The following PGBD4 variants were observed in gnomAD, a reference collection of about 807,000 sequenced individuals.
The protein encoded by PGBD4 is piggyBac transposable element derived 4.
In PGBD4, 1 loss-of-function variant was observed where a neutral mutation model predicts 0.3. The ratio of observed to expected loss-of-function variants is 3.72; its 90% CI spans 1.32 to 17.64. The LOEUF (loss-of-function observed/expected upper bound fraction) is 17.64. Ranked by LOEUF, PGBD4 falls within the 30% of genes most tolerant of loss-of-function variation. The probability of loss-of-function intolerance (pLI) is 0.11; values close to 1 mark genes in which losing one functional copy is unlikely to be tolerated. For synonymous variants in PGBD4, 253 were observed against 267.7 expected, an observed-to-expected ratio of 0.95 and a Z score of 0.54; for missense variants, 624 against 719.7, an observed-to-expected ratio of 0.87 and a Z score of 1.52.
Position 34,103,599 on chromosome 15 carries a change from G to C in PGBD4, c.1068G>C (p.Leu356Phe), listed in dbSNP as rs1345270158. ...CTGATGCAGTTGGGACAGCTCGTTT[G>C]AACAGAAAACAGATTCCAAATGATC... ...NRTDAVGTAR[L>F]NRKQIPNDLK... The change falls in exon 1 of 1, where the codon TTG becomes TTC. Residue 356 changes from leucine (L) to phenylalanine (F), a missense_variant. Coordinates refer to ENST00000397766, the MANE Select transcript of PGBD4 (RefSeq NM_152595.5). This position sits in a 1 kb window ranked among gnomAD's most constrained non-coding sequence, Gnocchi z 4.6. The C allele has an allele frequency of 1.2e-6, 2 of 1,614,110 alleles. No individual in the cohort carries two copies. The highest frequency in any genetic ancestry group is 1.7e-6 in the Non-Finnish European group (2 of 1,180,024).
Position 34,106,612 on chromosome 15 carries a change from C to CAATATTCAAAAGGCACATGGTAT in PGBD4, c.*2345_*2346insTAATATTCAAAAGGCACATGGTA. 6.6e-6 allele frequency: 1 copy of CAATATTCAAAAGGCACATGGTAT among 152,088 alleles called. No individual in the cohort carries two copies. Among genetic ancestry groups the CAATATTCAAAAGGCACATGGTAT allele is most frequent in the African/African-American group, 2.4e-5 (1 of 41,336 alleles). The allele number at this position is 152,088 out of a possible 1,614,324, so 9.4% of individuals were successfully genotyped here. On this transcript the variant is annotated 3_prime_UTR_variant, in exon 1 of 1. Coordinates refer to ENST00000397766, the MANE Select transcript of PGBD4 (RefSeq NM_152595.5). ...TACAATATTCAAAAGGCACATGGTA[C>CAATATTCAAAAGGCACATGGTAT]AATATTCAAAAGGCACATGGTACAA...
rs1901217902 is a variant in PGBD4, at chr15:34,103,455, G to A, written c.924G>A (p.Leu308=). ...ATTTGAAAGATTCAGCGGATGGCCT[G>A]AAATCATCACGCATTGTTCTTACCT... ...GMNLKDSADG[L]KSSRIVLTLV... The change falls in exon 1 of 1, where the codon CTG becomes CTA. Residue 308 remains leucine, a synonymous_variant. Coordinates refer to ENST00000397766, the MANE Select transcript of PGBD4 (RefSeq NM_152595.5). This position sits in a 1 kb window ranked among gnomAD's most constrained non-coding sequence, Gnocchi z 4.6. 2 of 1,614,114 alleles carry A rather than the reference G, an allele frequency of 1.2e-6. No homozygotes were observed. Among genetic ancestry groups the A allele is most frequent in the African/African-American group, 1.3e-5 (1 of 74,928 alleles).
Position 34,104,334 on chromosome 15 carries a change from G to C in PGBD4, c.*45G>C. The C allele has an allele frequency of 6.4e-7, 1 of 1,556,880 alleles. No homozygotes were observed. Among genetic ancestry groups the C allele is most frequent in the Non-Finnish European group, 8.7e-7 (1 of 1,151,436 alleles). On this transcript the variant is annotated 3_prime_UTR_variant, in exon 1 of 1. Coordinates refer to ENST00000397766, the MANE Select transcript of PGBD4 (RefSeq NM_152595.5). ...TCTGTTCCATTAGGATTAGAGACAAGTTCTGTTTAGAAATAACTCCAAGAT... is the reference window on the plus strand; with the variant it reads ...TCTGTTCCATTAGGATTAGAGACAACTTCTGTTTAGAAATAACTCCAAGAT...
At position 34,102,261 on chromosome 15, in the gene PGBD4, T is replaced by C. The variant is rs1901191929; in HGVS notation, c.-271T>C. 2 of 498,900 alleles carry C rather than the reference T, an allele frequency of 4.0e-6. No homozygotes were observed. Among genetic ancestry groups the C allele is most frequent in the Non-Finnish European group, 6.9e-6 (2 of 287,958 alleles). The allele number at this position is 498,900 out of a possible 1,614,324, so 30.9% of individuals were successfully genotyped here. A position where few individuals can be genotyped will look rare whatever the true frequency, so the allele number is the denominator to read the frequency against. On this transcript the variant is annotated 5_prime_UTR_variant, in exon 1 of 1. Coordinates refer to ENST00000397766, the MANE Select transcript of PGBD4 (RefSeq NM_152595.5). This position sits in a 1 kb window ranked among gnomAD's most constrained non-coding sequence, Gnocchi z 4.7. ...CCCCAAGACGTATGAGATGAAAGGC[T>C]TCTTCTGTCTGTGTGCGTTTAACTC...
In PGBD4 at chr15:34,106,722, G is replaced by T. The variant is rs1183938604; in HGVS notation, c.*2433G>T. The T allele has an allele frequency of 6.6e-6, 1 of 151,674 alleles. No individual in the cohort carries two copies. The highest frequency in any genetic ancestry group is 1.5e-5 in the Non-Finnish European group (1 of 67,912). The allele number at this position is 151,674 out of a possible 1,614,324, so 9.4% of individuals were successfully genotyped here. A position where few individuals can be genotyped will look rare whatever the true frequency, so the allele number is the denominator to read the frequency against. On this transcript the variant is annotated 3_prime_UTR_variant, in exon 1 of 1. Transcript: ENST00000397766. The stretch of plus-strand genomic sequence containing the variant: ...CAATTCTCAAGAGGCAATCACTGTT[G>T]CCATTTTCCTGAGTATTCTTCCACA...
chr15:34,103,303 G>A lies in PGBD4; in HGVS notation c.772G>A (p.Gly258Arg). 6.2e-7 allele frequency: 1 copy of A among 1,614,130 alleles called. No individual in the cohort carries two copies. The highest frequency in any genetic ancestry group is 8.5e-7 in the Non-Finnish European group (1 of 1,180,042). The change falls in exon 1 of 1, where the codon GGG (glycine) becomes AGG (arginine). Residue 258 changes from glycine (G) to arginine (R), a missense_variant. Transcript: ENST00000397766. The surrounding 1 kb of genome is among the most constrained non-coding windows in gnomAD (Gnocchi z 4.6). Reference sequence around the variant, plus strand: ...TGATGAATCACTGATGCTGTTCAAGGGGCCATTAGCTATGAAGCAGTACCT... The same window carrying A: ...TGATGAATCACTGATGCTGTTCAAGAGGCCATTAGCTATGAAGCAGTACCT... Reference protein sequence around the residue: ...AVDESLMLFKGPLAMKQYLPT... With the variant: ...AVDESLMLFKRPLAMKQYLPT...
Position 34,102,589 on chromosome 15 carries a change from C to G in PGBD4, c.58C>G (p.Gln20Glu), listed in dbSNP as rs1367080198. 1.6e-5 allele frequency: 25 copies of G among 1,606,068 alleles called. No homozygotes were observed. Among genetic ancestry groups the G allele is most frequent in the Non-Finnish European group, 2.1e-5 (25 of 1,175,982 alleles). Residue 20 changes from glutamine to glutamate, a missense_variant, in exon 1 of 1, where the codon CAG (glutamine) becomes GAG (glutamate). By Grantham distance (29) the Gln-to-Glu change is conservative. Coordinates refer to ENST00000397766, the MANE Select transcript of PGBD4 (RefSeq NM_152595.5). The surrounding 1 kb of genome is among the most constrained non-coding windows in gnomAD (Gnocchi z 4.7). Reference sequence around the variant, plus strand: ...GCGTGATAGTAATACCGGTCTCGAACAGTTGTTGGCTGAAGATTCATTTGA... The same window carrying G: ...GCGTGATAGTAATACCGGTCTCGAAGAGTTGTTGGCTGAAGATTCATTTGA... ...PMRDSNTGLE[Q>E]LLAEDSFDES...
At position 34,107,140 on chromosome 15, in the gene PGBD4, T is replaced by C. The variant is rs1887777386; in HGVS notation, c.*2851T>C. The C allele has an allele frequency of 6.6e-6, 1 of 151,636 alleles. No individual in the cohort carries two copies. Among genetic ancestry groups the C allele is most frequent in the Admixed American group, 6.6e-5 (1 of 15,196 alleles). 9.4% of individuals were successfully genotyped at this position (151,636 alleles called of 1,614,324 possible). A position where few individuals can be genotyped will look rare whatever the true frequency, so the allele number is the denominator to read the frequency against. On this transcript the variant is annotated 3_prime_UTR_variant, in exon 1 of 1. Coordinates refer to ENST00000397766, the MANE Select transcript of PGBD4 (RefSeq NM_152595.5). Reference sequence around the variant, plus strand: ...TAAAATACACTAATATATAATAATGTATTACCTAACATATGATTATATATA... The same window carrying C: ...TAAAATACACTAATATATAATAATGCATTACCTAACATATGATTATATATA...
At position 34,102,559 on chromosome 15, in the gene PGBD4, C is replaced by T. The variant is rs776783726; in HGVS notation, c.28C>T (p.Pro10Ser). Residue 10 changes from proline (P) to serine (S), a missense_variant, in exon 1 of 1, where the codon CCT (proline) becomes TCT (serine). Coordinates refer to ENST00000397766, the MANE Select transcript of PGBD4 (RefSeq NM_152595.5). The surrounding 1 kb of genome is among the most constrained non-coding windows in gnomAD (Gnocchi z 4.7). Reference sequence around the variant, plus strand: ...GTCAAATCCTAGAAAACGTAGCATTCCTATGCGTGATAGTAATACCGGTCT... The same window carrying T: ...GTCAAATCCTAGAAAACGTAGCATTTCTATGCGTGATAGTAATACCGGTCT... MSNPRKRSI[P>S]MRDSNTGLEQ... The T allele has an allele frequency of 1.6e-5, 25 of 1,566,230 alleles. No homozygotes were observed. Among genetic ancestry groups the T allele is most frequent in the African/African-American group, 5.4e-5 (4 of 73,824 alleles).
rs1177778611 is a variant in PGBD4 at position 34,108,150 on chromosome 15, A to G, written c.*3861A>G. 1 of 151,844 alleles carries G rather than the reference A, an allele frequency of 6.6e-6. No homozygotes were observed. Among genetic ancestry groups the G allele is most frequent in the African/African-American group, 2.4e-5 (1 of 41,252 alleles). The allele number at this position is 151,844 out of a possible 1,614,324, so 9.4% of individuals were successfully genotyped here. On this transcript the variant is annotated 3_prime_UTR_variant, in exon 1 of 1. Transcript: ENST00000397766. ...GCTAATTTTTGTACTTTTAGTAGAG[A>G]CGGAGTTTCACCATGTTGGCCAGGC...
chr15:34,102,377 C>A lies in PGBD4; in HGVS notation c.-155C>A. On this transcript the variant is annotated 5_prime_UTR_variant, in exon 1 of 1. An upstream open reading frame in the 5' UTR gains an earlier in-frame stop. Coordinates refer to ENST00000397766, the MANE Select transcript of PGBD4 (RefSeq NM_152595.5). This position sits in a 1 kb window ranked among gnomAD's most constrained non-coding sequence, Gnocchi z 4.7. ...CTCGTGGATTACAGTGCCAACCTTA[C>A]TCCCAAAGTTTGCCACGAAATATCT... 8.2e-7 allele frequency: 1 copy of A among 1,216,542 alleles called. No homozygotes were observed. The highest frequency in any genetic ancestry group is 2.6e-5 in the East Asian group (1 of 38,004). The allele number at this position is 1,216,542 out of a possible 1,614,324, so 75.4% of individuals were successfully genotyped here. A position where few individuals can be genotyped will look rare whatever the true frequency, so the allele number is the denominator to read the frequency against.
chr15:34,102,429 G>A lies in PGBD4; in HGVS notation c.-103G>A. 4 of 1,422,774 alleles carry A rather than the reference G, an allele frequency of 2.8e-6. No homozygotes were observed. The highest frequency in any genetic ancestry group is 3.7e-6 in the Non-Finnish European group (4 of 1,089,858). The allele number at this position is 1,422,774 out of a possible 1,614,324, so 88.1% of individuals were successfully genotyped here. On this transcript the variant is annotated 5_prime_UTR_variant, in exon 1 of 1. Coordinates refer to ENST00000397766, the MANE Select transcript of PGBD4 (RefSeq NM_152595.5). The surrounding 1 kb of genome is among the most constrained non-coding windows in gnomAD (Gnocchi z 4.7). ...GCTTCTGTTATTTTCGCATGGTTCT[G>A]GTATATTGACTTTTGAAACAAAAGA...
In PGBD4 at chr15:34,106,949, C is replaced by T. The variant is rs1156464537; in HGVS notation, c.*2660C>T. The T allele has an allele frequency of 3.0e-5, 3 of 100,732 alleles. No homozygotes were observed. The highest frequency in any genetic ancestry group is 2.9e-4 in the Admixed American group (2 of 6,864). The allele number at this position is 100,732 out of a possible 1,614,324, so 6.2% of individuals were successfully genotyped here. A position where few individuals can be genotyped will look rare whatever the true frequency, so the allele number is the denominator to read the frequency against. On this transcript the variant is annotated 3_prime_UTR_variant, in exon 1 of 1. Transcript: ENST00000397766. ...TCCATCCTGGGCAACATAGCCAGAC[C>T]CTGTCTCTAAAAAAAAAAAAAAAAA...
chr15:34,103,365 T>A lies in PGBD4; in HGVS notation c.834T>A (p.Tyr278Ter), dbSNP rs771657889. The change falls in exon 1 of 1, where the codon TAT becomes TAA. Residue 278 changes from tyrosine (Y) to a stop codon, truncating the protein, a stop_gained. Transcript: ENST00000397766. LOFTEE classifies it low-confidence loss of function (END_TRUNC). The surrounding 1 kb of genome is among the most constrained non-coding windows in gnomAD (Gnocchi z 4.6). ...GAGTACGATTTGGTCTGAAGCTATA[T>A]GTACTTTGTGAAAGTCAGTCTGGTT... ...TKRVRFGLKLYVLCESQSGYV... is the reference protein window; with the variant it reads ...TKRVRFGLKL 18 of 1,614,250 alleles carry A rather than the reference T, an allele frequency of 1.1e-5. 1 individual carries two copies. In the South Asian group the frequency reaches 1.8e-4, roughly 16 times the overall value.
rs533552055 is a variant in PGBD4, at chr15:34,102,302, C to T, written c.-230C>T. The T allele has an allele frequency of 1.2e-5, 7 of 587,204 alleles. No homozygotes were observed. The African/African-American group carries it at 1.3e-4, about 11-fold the overall frequency. The allele number at this position is 587,204 out of a possible 1,614,324, so 36.4% of individuals were successfully genotyped here. On this transcript the variant is annotated 5_prime_UTR_variant, in exon 1 of 1. Coordinates refer to ENST00000397766, the MANE Select transcript of PGBD4 (RefSeq NM_152595.5). This position sits in a 1 kb window ranked among gnomAD's most constrained non-coding sequence, Gnocchi z 4.7. ...CGTTTAACTCATTTCTCCTTAGCCC[C>T]GAGATTACGCGCTGCTGTGCCTGCG...
In PGBD4 at chr15:34,102,543, T is replaced by C; in HGVS notation, c.12T>C (p.Pro4=). ...TCTCGATCGCTGAAATGTCAAATCCTAGAAAACGTAGCATTCCTATGCGTG... is the reference window on the plus strand; with the variant it reads ...TCTCGATCGCTGAAATGTCAAATCCCAGAAAACGTAGCATTCCTATGCGTG... MSN[P]RKRSIPMRDS... Residue 4 remains proline (P), a synonymous_variant, in exon 1 of 1, where the codon CCT becomes CCC. Coordinates refer to ENST00000397766, the MANE Select transcript of PGBD4 (RefSeq NM_152595.5). The surrounding 1 kb of genome is among the most constrained non-coding windows in gnomAD (Gnocchi z 4.7). 6.5e-7 allele frequency: 1 copy of C among 1,527,758 alleles called. No homozygotes were observed. The highest frequency in any genetic ancestry group is 8.8e-7 in the Non-Finnish European group (1 of 1,136,520). The allele number at this position is 1,527,758 out of a possible 1,614,324, so 94.6% of individuals were successfully genotyped here. A position where few individuals can be genotyped will look rare whatever the true frequency, so the allele number is the denominator to read the frequency against.
chr15:34,104,352 T>G lies in PGBD4; in HGVS notation c.*63T>G. 6.5e-7 allele frequency: 1 copy of G among 1,531,926 alleles called. No homozygotes were observed. The highest frequency in any genetic ancestry group is 8.8e-7 in the Non-Finnish European group (1 of 1,138,852). The allele number at this position is 1,531,926 out of a possible 1,614,324, so 94.9% of individuals were successfully genotyped here. On this transcript the variant is annotated 3_prime_UTR_variant, in exon 1 of 1. Transcript: ENST00000397766. Reference sequence around the variant, plus strand: ...GAGACAAGTTCTGTTTAGAAATAACTCCAAGATTGGGAGGCCGACCTGGGT... The same window carrying G: ...GAGACAAGTTCTGTTTAGAAATAACGCCAAGATTGGGAGGCCGACCTGGGT...
At position 34,103,543 on chromosome 15, in the gene PGBD4, A is replaced by G. The variant is rs773140925; in HGVS notation, c.1012A>G (p.Met338Val). ...VFLDNFNISP[M>V]LFRELHQNRT... The stretch of plus-strand genomic sequence containing the variant: ...CCTCGATAACTTTAATATATCTCCC[A>G]TGCTTTTCAGAGAATTACATCAAAA... The change falls in exon 1 of 1, where the codon ATG (methionine) becomes GTG (valine). Residue 338 changes from methionine (M) to valine (V), a missense_variant. Met to Val is a conservative substitution (Grantham distance 21, BLOSUM62 1). Coordinates refer to ENST00000397766, the MANE Select transcript of PGBD4 (RefSeq NM_152595.5). This position sits in a 1 kb window ranked among gnomAD's most constrained non-coding sequence, Gnocchi z 4.6. The G allele has an allele frequency of 1.2e-6, 2 of 1,614,180 alleles. No homozygotes were observed. The highest frequency in any genetic ancestry group is 1.7e-5 in the Admixed American group (1 of 60,018).
In PGBD4 at chr15:34,103,744, A is replaced by G. The variant is rs1338618079; in HGVS notation, c.1213A>G (p.Ile405Val). The G allele has an allele frequency of 1.2e-6, 2 of 1,614,128 alleles. No individual in the cohort carries two copies. The highest frequency in any genetic ancestry group is 2.7e-5 in the African/African-American group (2 of 74,950). Residue 405 changes from isoleucine to valine, a missense_variant, in exon 1 of 1, where the codon ATT (isoleucine) becomes GTT (valine). Physicochemically the swap from Ile to Val is conservative, Grantham distance 29 (BLOSUM62 3). Transcript: ENST00000397766. This position sits in a 1 kb window ranked among gnomAD's most constrained non-coding sequence, Gnocchi z 4.6. ...MLSTFHNDTV[I>V]EVNNRNGKKT... ...GTCAACATTCCACAATGATACTGTG[A>G]TTGAAGTAAACAATAGAAATGGAAA...
Sources: allele counts gnomAD v4.1 joint callset, GRCh38; gene constraint gnomAD v4.1.1; non-coding constraint Gnocchi (gnomAD v3.1); transcripts MANE v1.5; gene names NCBI Gene and HGNC (gene_info 2026-07-23, HGNC 2026-07-21).